GALNTL6: variants seen among roughly 807,000 people sequenced by gnomAD.
The protein encoded by GALNTL6 is polypeptide N-acetylgalactosaminyltransferase like 6.
In GALNTL6, 46 loss-of-function variants were observed where a neutral mutation model predicts 73.7. That is an observed-to-expected ratio of 0.62 (90% CI 0.49 to 0.80). The LOEUF is 0.80. Ranked by LOEUF, GALNTL6 falls within the 30% of genes least tolerant of loss-of-function variation. GALNTL6 has a pLI of 0.00. For missense variants in GALNTL6, 604 were observed against 755.0 expected (o/e 0.80, Z 2.34); for synonymous variants, 259 against 263.7 (o/e 0.98, Z 0.17).
chr4:172,268,366 G>A (rs1738522062), intron 3 of GALNTL6, among the ~76,000 whole-genome samples: 1 of 152,172 alleles, frequency 6.6e-6, no homozygotes, highest in East Asian at 1.9e-4. Context: ...AAGTTGGGCT[G>A]CTGTGTAATC....
chr4:171,855,730 G>A (rs1735671187), intron 2 of GALNTL6, among the ~76,000 whole-genome samples: 1 of 152,192 alleles, frequency 6.6e-6, no homozygotes. Context: ...CACCAGGAAT[G>A]ACTGGGAGTT....
At chr4:172,872,930 G>C (rs1745018579) in intron 7 of GALNTL6, among the ~76,000 whole-genome samples, 2 of 152,094 alleles carry the variant, frequency 1.3e-5, no homozygotes, top group Admixed American at 1.3e-4. Context: ...CATCTGTCCT[G>C]GACTGCCATT....
rs183714006 is a variant in GALNTL6, at chr4:172,480,608, G to A, written c.553+131919G>A. Reference sequence around the variant, plus strand: ...TTTTTTTGTAGAGCATTAGTTAGCAGCTGCCGTACAATAAATCATGCCAAA... The same window carrying A: ...TTTTTTTGTAGAGCATTAGTTAGCAACTGCCGTACAATAAATCATGCCAAA... On this transcript the variant is annotated intron_variant, in intron 5 of 12. Coordinates refer to ENST00000506823, the MANE Select transcript of GALNTL6 (RefSeq NM_001034845.3). Among the ~76,000 whole-genome samples the A allele has an allele frequency of 2.3e-3, 351 of 152,326 alleles. 1 individual carries two copies. The highest frequency in any genetic ancestry group is 4.0e-3 in the Non-Finnish European group (274 of 68,020).
intron 2 of GALNTL6, among the ~76,000 whole-genome samples, chr4:172,019,887 T>C (rs557134904): frequency 6.6e-6 from 1 of 152,246 alleles, no homozygotes; most frequent in South Asian, 2.1e-4. Context: ...CCTCAGCACA[T>C]GGATCATTCT....
At chr4:171,950,445 C>T (rs191338138) in intron 2 of GALNTL6, among the ~76,000 whole-genome samples, 5 of 150,128 alleles carry the variant, frequency 3.3e-5, no homozygotes, top group Admixed American at 1.3e-4. Context: ...ATACTGGACA[C>T]AGATAGGTGG....
intron 5 of GALNTL6, among the ~76,000 whole-genome samples, chr4:172,367,702 G>A (rs1361368001): frequency 6.6e-6 from 1 of 152,038 alleles, no homozygotes; most frequent in East Asian, 1.9e-4. Context: ...TTTTTTAATG[G>A]ACATATTAAT....
At chr4:172,733,677 C>T (rs1736283472) in intron 5 of GALNTL6, among the ~76,000 whole-genome samples, 1 of 152,172 alleles carries the variant, frequency 6.6e-6, no homozygotes, top group South Asian at 2.1e-4. Flanking sequence ...TGCTCTCTTG[C>T]CTGCTGCCAT....
intron 7 of GALNTL6, among the ~76,000 whole-genome samples, chr4:172,837,050 T>G (rs943653090): frequency 3.3e-5 from 5 of 152,190 alleles, no homozygotes; most frequent in African/African-American, 1.2e-4. Flanking sequence ...TATACGATTT[T>G]CATTAAAATA....
At chr4:172,783,480 A>C (rs1457259457) in intron 5 of GALNTL6, among the ~76,000 whole-genome samples, 1 of 144,618 alleles carries the variant, frequency 6.9e-6, no homozygotes, top group Non-Finnish European at 1.5e-5. Flanking sequence ...ATACACTATT[A>C]ATAATATTAT....
intron 2 of GALNTL6, among the ~76,000 whole-genome samples, chr4:172,116,200 A>T (rs1403132312): frequency 6.6e-6 from 1 of 152,078 alleles, no homozygotes. Flanking sequence ...ATTTTTAGGT[A>T]AAAAAATGCT....
At chr4:172,692,427 A>G (rs980572247) in intron 5 of GALNTL6, among the ~76,000 whole-genome samples, 1 of 152,186 alleles carries the variant, frequency 6.6e-6, no homozygotes, top group Non-Finnish European at 1.5e-5. Flanking sequence ...ATAACTTTCC[A>G]TAAAGCTTAT....
At chr4:172,180,987 T>C (rs918087478) in intron 2 of GALNTL6, among the ~76,000 whole-genome samples, 1 of 152,326 alleles carries the variant, frequency 6.6e-6, no homozygotes, top group South Asian at 2.1e-4. Context: ...TTTTTTCCAA[T>C]TCTGTGAAGA....
intron 5 of GALNTL6, among the ~76,000 whole-genome samples, chr4:172,694,575 C>T (rs1354601689): frequency 6.6e-6 from 1 of 152,098 alleles, no homozygotes; most frequent in Non-Finnish European, 1.5e-5. Context: ...CTGTAAAGGA[C>T]TTCTCAGTGT....
intron 5 of GALNTL6, among the ~76,000 whole-genome samples, chr4:172,354,786 C>G (rs1378749225): frequency 1.3e-5 from 2 of 152,098 alleles, no homozygotes; most frequent in Non-Finnish European, 2.9e-5. Context: ...ATTAAAAATT[C>G]AGTCTCACTG....
In GALNTL6 at chr4:172,847,026, C is replaced by T. The variant is rs187368625; in HGVS notation, c.923+33303C>T. Among the ~76,000 whole-genome samples, 10 of 152,252 alleles carry T rather than the reference C, an allele frequency of 6.6e-5. No individual in the cohort carries two copies. In the East Asian group the frequency reaches 1.7e-3, roughly 26 times the overall value. ...CTGACATAGGTTTTTGAGGACTACA[C>T]ACTGAAAACTTGTCCATGAATATAT... On this transcript the variant is annotated intron_variant, in intron 7 of 12. Coordinates refer to ENST00000506823, the MANE Select transcript of GALNTL6 (RefSeq NM_001034845.3).
At position 172,331,488 on chromosome 4, in the gene GALNTL6, A is replaced by G. The variant is rs112726273; in HGVS notation, c.387-17035A>G. ...ATCATACAACAGATCTCTAGAACGT[A>G]TTGATTTTAACTGGCTGAAACTTTA... On this transcript the variant is annotated intron_variant, in intron 4 of 12. Coordinates refer to ENST00000506823, the MANE Select transcript of GALNTL6 (RefSeq NM_001034845.3). 8.5e-3 allele frequency among the ~76,000 whole-genome samples: 1,300 copies of G among 152,288 alleles called. 16 individuals carry two copies. Among genetic ancestry groups the G allele is most frequent in the African/African-American group, 0.03 (1,227 of 41,554 alleles).
intron 5 of GALNTL6, among the ~76,000 whole-genome samples, chr4:172,758,460 C>G (rs1737879239): frequency 6.6e-6 from 1 of 152,156 alleles, no homozygotes; most frequent in Admixed American, 6.5e-5. Context: ...TGCTTGAACC[C>G]AGGAGGCAGA....
intron 2 of GALNTL6, among the ~76,000 whole-genome samples, chr4:171,995,705 T>G (rs1740466117): frequency 6.6e-6 from 1 of 152,022 alleles, no homozygotes; most frequent in Non-Finnish European, 1.5e-5. Flanking sequence ...TAGTATTCAT[T>G]TTAAATATTT....
intron 2 of GALNTL6, among the ~76,000 whole-genome samples, chr4:171,960,649 A>T (rs1414126233): frequency 2.0e-5 from 3 of 148,378 alleles, no homozygotes; most frequent in Non-Finnish European, 3.0e-5. Flanking sequence ...GTATATATAA[A>T]TTTTTTTAAA....
Sources: allele counts gnomAD v4.1 joint callset (sites outside exome capture counted in the v4.1 genomes callset), GRCh38; gene constraint gnomAD v4.1.1; transcripts MANE v1.5; gene names NCBI Gene and HGNC (gene_info 2026-07-23, HGNC 2026-07-21).